The following DMD variants were observed in gnomAD, a reference collection of about 807,000 sequenced individuals.
The protein encoded by DMD is dystrophin, also known as mutant dystrophin.
In DMD, 63 loss-of-function variants were observed where a neutral mutation model predicts 330.1. The observed-to-expected ratio is 0.19, with a 90% CI of 0.16 to 0.24. DMD has a LOEUF of 0.24. DMD is among the 10% of genes least tolerant of loss of function. The probability of loss-of-function intolerance (pLI) is 1.00; values close to 1 mark genes in which losing one functional copy is unlikely to be tolerated. For synonymous variants in DMD, 1,223 were observed against 959.8 expected (o/e 1.27, Z -5.07); for missense variants, 3,344 against 2,684.1 (o/e 1.25, Z -5.43).
At chrX:33,023,492 G>A (rs182368814) in intron 1 of DMD, among the ~76,000 whole-genome samples, 47 of 111,552 alleles carry the variant, frequency 4.2e-4, no homozygotes, top group African/African-American at 1.3e-3. Context: ...TAGGAGTTTC[G>A]TTGCTTTAGT....
chrX:32,928,571 C>T (rs1357879862), intron 2 of DMD, among the ~76,000 whole-genome samples: 1 of 111,652 alleles, frequency 9.0e-6, no homozygotes, highest in Non-Finnish European at 1.9e-5. Flanking sequence ...CAATATTTGC[C>T]TTCAGTTTTT....
chrX:32,208,562 G>A (rs1385412956), intron 44 of DMD, among the ~76,000 whole-genome samples: 1 of 111,565 alleles, frequency 9.0e-6, no homozygotes, highest in African/African-American at 3.3e-5. Flanking sequence ...CTGTCAATTA[G>A]GGGGCAGGAA....
At chrX:32,549,705 T>A (rs762596234) in intron 16 of DMD, among the ~76,000 whole-genome samples, 2 of 111,546 alleles carry the variant, frequency 1.8e-5, no homozygotes, top group South Asian at 7.5e-4. Context: ...TGGAAGAGCA[T>A]TTGCCAGCAT....
intron 42 of DMD, 128 bp downstream of exon 42, chrX:32,309,954 T>C: frequency 1.7e-6 from 1 of 584,529 alleles, no homozygotes; most frequent in Non-Finnish European, 2.7e-6. Flanking sequence ...CTATCAAGTA[T>C]TTTTAAGAAT....
intron 26 of DMD, among the ~76,000 whole-genome samples, chrX:32,454,077 G>A (rs889571928): frequency 2.7e-5 from 3 of 110,488 alleles, no homozygotes; most frequent in Non-Finnish European, 3.8e-5. Context: ...ATGCCACTAT[G>A]TAGGTTCAAG....
chrX:32,202,166 G>A (rs1282769435), intron 44 of DMD, among the ~76,000 whole-genome samples: 1 of 111,163 alleles, frequency 9.0e-6, no homozygotes, highest in South Asian at 3.8e-4. Flanking sequence ...GGTGAGCACC[G>A]TGCAGTATAG....
At chrX:31,909,128 T>G (rs150532074) in intron 47 of DMD, among the ~76,000 whole-genome samples, 1 of 112,501 alleles carries the variant, frequency 8.9e-6, no homozygotes, top group African/African-American at 3.2e-5. Context: ...GTTGGTTATC[T>G]TTTCCTAATT....
intron 44 of DMD, among the ~76,000 whole-genome samples, chrX:32,017,357 G>T (rs1324575128): frequency 8.9e-6 from 1 of 112,218 alleles, no homozygotes; most frequent in Non-Finnish European, 1.9e-5. Context: ...TCTGCTCAAA[G>T]TATTATGAAT....
intron 47 of DMD, among the ~76,000 whole-genome samples, chrX:31,890,354 A>G (rs1001627492): frequency 5.4e-5 from 5 of 93,313 alleles, no homozygotes; most frequent in African/African-American, 1.6e-4. Flanking sequence ...TTCAAAAAAA[A>G]CAAAACAAAA....
Position 32,307,906 on chromosome X carries a change from T to C in DMD, c.6117+2176A>G, listed in dbSNP as rs184850015. On this transcript the variant is annotated intron_variant, in intron 42 of 78. Coordinates refer to ENST00000357033, the MANE Select transcript of DMD (RefSeq NM_004006.3). ...GCAATTCTTCTAAAATTATGTACTCTTGTCTGTTATGAGTATTATTAACTT... is the reference window on the plus strand; with the variant it reads ...GCAATTCTTCTAAAATTATGTACTCCTGTCTGTTATGAGTATTATTAACTT... 4.2e-3 allele frequency among the ~76,000 whole-genome samples: 469 copies of C among 111,311 alleles called. 5 individuals are homozygous for C. Among genetic ancestry groups the C allele is most frequent in the African/African-American group, 0.015 (448 of 30,783 alleles).
intron 18 of DMD, among the ~76,000 whole-genome samples, chrX:32,515,246 GAA>G (rs1457053716): frequency 9.0e-6 from 1 of 111,583 alleles, no homozygotes; most frequent in Non-Finnish European, 1.9e-5. Context: ...GCAAGGAAAA[GAA>G]AGTGCAATAG....
intron 55 of DMD, among the ~76,000 whole-genome samples, chrX:31,569,641 T>TATATATACGTATATATAC (rs771071830): frequency 2.4e-5 from 2 of 82,864 alleles, no homozygotes; most frequent in Non-Finnish European, 4.9e-5. Flanking sequence ...CGTATATATA[T>TATATATACGTATATATAC]GTATATACGT....
At chrX:32,634,529 C>T (rs1194565936) in intron 11 of DMD, among the ~76,000 whole-genome samples, 3 of 111,950 alleles carry the variant, frequency 2.7e-5, no homozygotes, top group Admixed American at 9.5e-5. Flanking sequence ...ATTCAGGGCC[C>T]TAGGTCCCTT....
intron 5 of DMD, among the ~76,000 whole-genome samples, chrX:32,817,472 T>C (rs1261511845): frequency 8.9e-6 from 1 of 112,203 alleles, no homozygotes; most frequent in Non-Finnish European, 1.9e-5. Context: ...GCATTTTTTC[T>C]AAGTTTCATG....
chrX:31,137,401 C>G (rs998412212), intron 76 of DMD, among the ~76,000 whole-genome samples: 2 of 111,578 alleles, frequency 1.8e-5, no homozygotes, highest in Non-Finnish European at 3.8e-5. Flanking sequence ...ATGCTTAATG[C>G]CTAATATTTT....
intron 21 of DMD, among the ~76,000 whole-genome samples, chrX:32,480,831 T>C (rs1191494535): frequency 1.8e-5 from 2 of 110,895 alleles, no homozygotes; most frequent in Non-Finnish European, 3.8e-5. Flanking sequence ...CTTGATGGTA[T>C]TGATAAAAAT....
intron 2 of DMD, among the ~76,000 whole-genome samples, chrX:32,879,021 A>AAAAAAAAAAAAAAAACAAAC (rs1352069437): frequency 3.9e-5 from 4 of 101,766 alleles, no homozygotes; most frequent in African/African-American, 1.4e-4. Context: ...AAAAAAACAA[A>AAAAAAAAAAAAAAAACAAAC]AAACAAAAAA....
intron 52 of DMD, among the ~76,000 whole-genome samples, chrX:31,690,966 C>T (rs750000740): frequency 9.2e-6 from 1 of 108,160 alleles, no homozygotes; most frequent in South Asian, 4.3e-4. Flanking sequence ...CGGGGCCTGT[C>T]GTGGGGTGAG....
intron 43 of DMD, among the ~76,000 whole-genome samples, chrX:32,235,224 A>C (rs2097183353): frequency 9.0e-6 from 1 of 111,462 alleles, no homozygotes; most frequent in Admixed American, 9.6e-5. Flanking sequence ...GATGGGAGAC[A>C]GTGACAGATC....
Sources: gnomAD v4.1 joint callset for allele counts (sites outside exome capture counted in the v4.1 genomes callset) on GRCh38, gnomAD v4.1.1 for gene constraint, MANE v1.5 for transcripts, NCBI Gene and HGNC (gene_info 2026-07-23, HGNC 2026-07-21) for gene names.